Variants in CNTFR observed in about 807,000 individuals in gnomAD.
CNTFR encodes ciliary neurotrophic factor receptor.
In CNTFR, 12 loss-of-function variants were observed where a neutral mutation model predicts 40.4. The ratio of observed to expected loss-of-function variants is 0.30; its 90% CI spans 0.19 to 0.48. The LOEUF is 0.48. Among genes scored for constraint, CNTFR ranks in the 20% least tolerant of loss-of-function variants. CNTFR has a pLI of 0.99. For missense variants in CNTFR, 414 were observed against 506.8 expected (o/e 0.82, Z 1.76); for synonymous variants, 202 against 209.6 (o/e 0.96, Z 0.31).
intron 1 of CNTFR, chr9:34,582,445 C>G (rs1434476051): frequency 6.6e-6 from 1 of 152,174 alleles, no homozygotes; most frequent in Admixed American, 6.5e-5. Context: ...GCCACTGTTG[C>G]TTCTATGGAC....
In CNTFR at chr9:34,589,574, G is replaced by C. The variant is rs1208191068; in HGVS notation, c.-131C>G. On this transcript the variant is annotated 5_prime_UTR_variant, in exon 1 of 10. Transcript: ENST00000378980. This position sits in a 1 kb window ranked among gnomAD's most constrained non-coding sequence, Gnocchi z 4.4. ...ACTCACCGCGCCCTCGGGCCACCCGGGCTTCGCGCCGCGCCTTCCGACCGC... is the reference window on the plus strand; with the variant it reads ...ACTCACCGCGCCCTCGGGCCACCCGCGCTTCGCGCCGCGCCTTCCGACCGC... The C allele has an allele frequency of 6.6e-6, 1 of 151,576 alleles. No homozygotes were observed. Among genetic ancestry groups the C allele is most frequent in the African/African-American group, 2.4e-5 (1 of 40,952 alleles). The allele number at this position is 151,576 out of a possible 1,614,324, so 9.4% of individuals were successfully genotyped here. A position where few individuals can be genotyped will look rare whatever the true frequency, so the allele number is the denominator to read the frequency against.
At chr9:34,571,035 A>G (rs926124539) in intron 2 of CNTFR, among the ~76,000 whole-genome samples, 2 of 151,824 alleles carry the variant, frequency 1.3e-5, no homozygotes, top group African/African-American at 4.8e-5. Flanking sequence ...GGCCCCAGCT[A>G]CCCTTTGCGC....
At chr9:34,573,639 A>G (rs1021438042) in intron 2 of CNTFR, among the ~76,000 whole-genome samples, 2 of 152,186 alleles carry the variant, frequency 1.3e-5, no homozygotes, top group Non-Finnish European at 2.9e-5. Flanking sequence ...GGGACTCCCC[A>G]CAGCTTCCAG....
At chr9:34,560,807 G>A (rs1392252985) in intron 4 of CNTFR, among the ~76,000 whole-genome samples, 1 of 152,242 alleles carries the variant, frequency 6.6e-6, no homozygotes, top group Non-Finnish European at 1.5e-5. Flanking sequence ...GCGGGGCTGT[G>A]TGCGCGTGTG....
chr9:34,565,795 T>G (rs1826258964), intron 3 of CNTFR, among the ~76,000 whole-genome samples: 1 of 152,038 alleles, frequency 6.6e-6, no homozygotes, highest in South Asian at 2.1e-4. Context: ...AGATTTAAGA[T>G]GCAGGCACAC....
chr9:34,572,534 G>A (rs530030242), intron 2 of CNTFR, among the ~76,000 whole-genome samples: 16 of 152,268 alleles, frequency 1.1e-4, no homozygotes, highest in African/African-American at 3.1e-4. Flanking sequence ...GGAGCCTAGC[G>A]CCCAAAAGCC....
chr9:34,552,279 T>C lies in CNTFR; in HGVS notation c.1000A>G (p.Ile334Val), dbSNP rs1163832974. Residue 334 changes from isoleucine (I) to valine (V), a missense_variant, in exon 9 of 10, where the codon ATC becomes GTC. Ile to Val is a conservative substitution (Grantham distance 29). Transcript: ENST00000378980. This position sits in a 1 kb window ranked among gnomAD's most constrained non-coding sequence, Gnocchi z 5.1. ...CTGCCCAGCTCCCCAGGGTCACAGA[T>C]CTTCGTGGTAGGTGGGGGTGCCAGG... The part of the protein sequence containing the change: ...SSLAPPPTTK[I>V]CDPGELGSGG... 6.5e-7 allele frequency: 1 copy of C among 1,547,486 alleles called. No homozygotes were observed.
intron 4 of CNTFR, among the ~76,000 whole-genome samples, chr9:34,563,494 G>A (rs1826154083): frequency 6.6e-6 from 1 of 152,188 alleles, no homozygotes; most frequent in Non-Finnish European, 1.5e-5. Flanking sequence ...ACTCTTTACT[G>A]ACTAACCTAA....
At chr9:34,586,642 A>G (rs1192439226) in intron 1 of CNTFR, among the ~76,000 whole-genome samples, 3 of 152,192 alleles carry the variant, frequency 2.0e-5, no homozygotes, top group Non-Finnish European at 2.9e-5. Flanking sequence ...ATGGGTATGC[A>G]TTGACATGGC....
intron 2 of CNTFR, among the ~76,000 whole-genome samples, chr9:34,575,604 T>C (rs1219368801): frequency 2.0e-5 from 3 of 151,962 alleles, no homozygotes; most frequent in Non-Finnish European, 4.4e-5. Flanking sequence ...GCCCCATCAC[T>C]GCTATGGTGC....
intron 4 of CNTFR, 24 bp downstream of exon 4, chr9:34,564,575 A>G: frequency 6.3e-7 from 1 of 1,582,184 alleles, no homozygotes; most frequent in Non-Finnish European, 8.6e-7. Context: ...GGGAGGCTGG[A>G]TGAGGGGTGG....
chr9:34,557,801 T>A lies in CNTFR; in HGVS notation c.437+66A>T. ...AGGGCTGGGGTATGGACAGAGGGCA[T>A]GGTGGTGGGATGGGGGAGAGGTCAG... On this transcript the variant is annotated intron_variant, in intron 5 of 9. Coordinates refer to ENST00000378980, the MANE Select transcript of CNTFR (RefSeq NM_147164.3). This position sits in a 1 kb window ranked among gnomAD's most constrained non-coding sequence, Gnocchi z 4.2. 1.3e-6 allele frequency: 2 copies of A among 1,542,858 alleles called. No individual in the cohort carries two copies. The highest frequency in any genetic ancestry group is 2.4e-5 in the South Asian group (2 of 84,588).
intron 1 of CNTFR, among the ~76,000 whole-genome samples, chr9:34,587,523 A>C (rs370067579): frequency 1.3e-5 from 2 of 152,154 alleles, no homozygotes; most frequent in African/African-American, 2.4e-5. Flanking sequence ...CAAAGTTCCC[A>C]TATGAATCTA....
intron 7 of CNTFR, among the ~76,000 whole-genome samples, chr9:34,555,967 G>GCCATCTCCCTCCCTCA (rs1369982486): frequency 2.0e-3 from 143 of 71,242 alleles, no homozygotes; most frequent in Non-Finnish European, 2.7e-3. Context: ...TCCCTCCCCC[G>GCCATCTCCCTCCCTCA]CCATCTCCCT....
At chr9:34,575,524 T>C (rs72735301) in intron 2 of CNTFR, among the ~76,000 whole-genome samples, 6,247 of 152,106 alleles carry the variant, frequency 0.041, 207 homozygotes, top group South Asian at 0.064. Context: ...ATGGATAGAA[T>C]GGCTTTCCAG....
intron 2 of CNTFR, among the ~76,000 whole-genome samples, chr9:34,577,022 G>A (rs542337791): frequency 1.3e-5 from 2 of 152,342 alleles, no homozygotes; most frequent in East Asian, 3.9e-4. Flanking sequence ...CCACAGAGAG[G>A]TAGGGCAGAT....
At chr9:34,588,817 C>T (rs1363863155) in intron 1 of CNTFR, among the ~76,000 whole-genome samples, 5 of 152,108 alleles carry the variant, frequency 3.3e-5, no homozygotes, top group Non-Finnish European at 4.4e-5. Context: ...CCAGCCCCCA[C>T]GCACGCGGAG....
chr9:34,586,321 A>G (rs546350091), intron 1 of CNTFR, among the ~76,000 whole-genome samples: 66 of 152,090 alleles, frequency 4.3e-4, no homozygotes, highest in South Asian at 1.2e-3. Context: ...GCACAACAAA[A>G]CATGGTCCCT....
chr9:34,574,102 CG>C (rs1826827966), intron 2 of CNTFR, among the ~76,000 whole-genome samples: 1 of 104,740 alleles, frequency 9.5e-6, no homozygotes, highest in Non-Finnish European at 2.0e-5. Flanking sequence ...GCGGTGGGGG[CG>C]GGGGCAGAGG....
Sources: gnomAD v4.1 joint callset for allele counts (sites outside exome capture counted in the v4.1 genomes callset) on GRCh38, gnomAD v4.1.1 for gene constraint, Gnocchi (gnomAD v3.1) non-coding constraint, MANE v1.5 for transcripts, NCBI Gene and HGNC (gene_info 2026-07-23, HGNC 2026-07-21) for gene names.